The following PPP2R2B variants were observed in gnomAD, a reference collection of about 807,000 sequenced individuals.
PPP2R2B encodes the protein serine/threonine-protein phosphatase 2A 55 kDa regulatory subunit B beta isoform.
A neutral mutation model predicts 46.0 loss-of-function variants in PPP2R2B; 5 were observed. The observed-to-expected ratio is 0.11, with a 90% CI of 0.06 to 0.23. The LOEUF (loss-of-function observed/expected upper bound fraction) is 0.23. PPP2R2B is among the 10% of genes least tolerant of loss of function. PPP2R2B has a pLI of 1.00. For synonymous variants in PPP2R2B, 215 were observed against 206.7 expected (o/e 1.04, Z -0.34); for missense variants, 367 against 575.0 (o/e 0.64, Z 3.70).
At chr5:147,037,445 G>C (rs560359992) in intron 1 of PPP2R2B, among the ~76,000 whole-genome samples, 1 of 151,528 alleles carries the variant, frequency 6.6e-6, no homozygotes, top group African/African-American at 2.4e-5. Flanking sequence ...TGTATATATA[G>C]GTATGTAATT....
intron 5 of PPP2R2B, among the ~76,000 whole-genome samples, chr5:146,658,468 T>C (rs1261169801): frequency 6.6e-6 from 1 of 152,116 alleles, no homozygotes; most frequent in Admixed American, 6.6e-5. Flanking sequence ...GAGCATTGGG[T>C]CCTCCTATAA....
intron 2 of PPP2R2B, among the ~76,000 whole-genome samples, chr5:146,817,676 T>A (rs1325879262): frequency 6.6e-6 from 1 of 152,194 alleles, no homozygotes; most frequent in Non-Finnish European, 1.5e-5. Context: ...TTTTCAAAAA[T>A]TTATGGAAAC....
intron 7 of PPP2R2B, among the ~76,000 whole-genome samples, chr5:146,606,344 G>A (rs1246138761): frequency 6.6e-6 from 1 of 152,164 alleles, no homozygotes; most frequent in Admixed American, 6.5e-5. Flanking sequence ...GATCCTGAAG[G>A]CCTGTTCACT....
chr5:146,594,949 G>A, intron 8 of PPP2R2B, among the ~76,000 whole-genome samples: 1 of 152,214 alleles, frequency 6.6e-6, no homozygotes, highest in Non-Finnish European at 1.5e-5. Context: ...CAACAGTTCT[G>A]CTGGATGCAG....
In PPP2R2B at chr5:146,586,051, T is replaced by G. The variant is rs998999932; in HGVS notation, c.*3896A>C. On this transcript the variant is annotated 3_prime_UTR_variant, in exon 10 of 10. Coordinates refer to ENST00000394411, the MANE Select transcript of PPP2R2B (RefSeq NM_181675.4). ...CAGGGGGAAGAGGTGGATGAAGGCA[T>G]GTTGGATGCACAGTGAATCAGGTTG... 1.3e-5 allele frequency: 2 copies of G among 152,210 alleles called. No homozygotes were observed. The highest frequency in any genetic ancestry group is 2.9e-5 in the Non-Finnish European group (2 of 68,110). 9.4% of individuals were successfully genotyped at this position (152,210 alleles called of 1,614,324 possible).
Position 146,685,347 on chromosome 5 carries a change from A to T in PPP2R2B, c.447+5781T>A, listed in dbSNP as rs1408974097. Among the ~76,000 whole-genome samples, 3 of 152,354 alleles carry T rather than the reference A, an allele frequency of 2.0e-5. No homozygotes were observed. In the East Asian group the frequency reaches 5.8e-4, roughly 29 times the overall value. ...ATCTCTAAAATGGGCAGGATGCCTA[A>T]GTCACAGAATGATGATAAAGAAAGG... On this transcript the variant is annotated intron_variant, in intron 5 of 9. Coordinates refer to ENST00000394411, the MANE Select transcript of PPP2R2B (RefSeq NM_181675.4).
At chr5:146,747,061 T>C (rs1026292810) in intron 2 of PPP2R2B, among the ~76,000 whole-genome samples, 2 of 152,132 alleles carry the variant, frequency 1.3e-5, no homozygotes, top group African/African-American at 4.8e-5. Context: ...CCTACAACAG[T>C]GCTTGTCACC....
chr5:147,080,724 G>A (rs1180195334), intron 2 of PPP2R2B, among the ~76,000 whole-genome samples: 1 of 152,118 alleles, frequency 6.6e-6, no homozygotes, highest in Non-Finnish European at 1.5e-5. Flanking sequence ...GAAAGGGAGA[G>A]AATTATGGCT....
intron 1 of PPP2R2B, among the ~76,000 whole-genome samples, chr5:147,039,599 C>G (rs1302962335): frequency 6.6e-6 from 1 of 152,166 alleles, no homozygotes; most frequent in African/African-American, 2.4e-5. Flanking sequence ...GCTCAGAAAC[C>G]TACCACGGAG....
At chr5:146,816,139 C>T (rs1230458137) in intron 2 of PPP2R2B, among the ~76,000 whole-genome samples, 1 of 152,148 alleles carries the variant, frequency 6.6e-6, no homozygotes, top group African/African-American at 2.4e-5. Context: ...ATAGTGGGCT[C>T]ATGCCTGTAA....
intron 2 of PPP2R2B, among the ~76,000 whole-genome samples, chr5:146,861,325 G>A (rs1483419533): frequency 1.3e-5 from 2 of 151,988 alleles, no homozygotes; most frequent in Non-Finnish European, 1.5e-5. Context: ...CAAAGTGCTG[G>A]GATTACAGGT....
Position 146,769,448 on chromosome 5 carries a change from G to T in PPP2R2B, c.71-68306C>A, listed in dbSNP as rs113045853. 4.0e-3 allele frequency among the ~76,000 whole-genome samples: 605 copies of T among 152,152 alleles called. 5 individuals carry two copies. Among genetic ancestry groups the T allele is most frequent in the African/African-American group, 0.013 (557 of 41,492 alleles). On this transcript the variant is annotated intron_variant, in intron 2 of 9. Transcript: ENST00000394411. Reference sequence around the variant, plus strand: ...CCTGTTTATTTCCTACATGTTTATCGTAAACTATAATCGTTTCTTCTTATT... The same window carrying T: ...CCTGTTTATTTCCTACATGTTTATCTTAAACTATAATCGTTTCTTCTTATT...
At chr5:146,629,999 A>G (rs1774320464) in intron 7 of PPP2R2B, among the ~76,000 whole-genome samples, 1 of 152,142 alleles carries the variant, frequency 6.6e-6, no homozygotes, top group African/African-American at 2.4e-5. Context: ...TTTGTAGTAG[A>G]GATGGGGTTT....
chr5:146,797,980 T>C lies in PPP2R2B; in HGVS notation c.70+80022A>G, dbSNP rs1023430776. On this transcript the variant is annotated intron_variant, in intron 2 of 9. Transcript: ENST00000394411. ...CTTGTCTCAGGTACAGGCTGAGAAA[T>C]AGACAAACAAACCGTCAATCTCCTT... Among the ~76,000 whole-genome samples, 11 of 152,146 alleles carry C rather than the reference T, an allele frequency of 7.2e-5. 1 individual carries two copies. Among genetic ancestry groups the C allele is most frequent in the Admixed American group, 5.9e-4 (9 of 15,274 alleles).
At chr5:146,700,670 T>C (rs146262404) in intron 3 of PPP2R2B, among the ~76,000 whole-genome samples, 5 of 152,186 alleles carry the variant, frequency 3.3e-5, no homozygotes, top group Non-Finnish European at 7.3e-5. Context: ...TATGTTTTTT[T>C]CCTCCTGCAT....
chr5:146,806,659 A>T (rs1459296445), intron 2 of PPP2R2B, among the ~76,000 whole-genome samples: 3 of 152,158 alleles, frequency 2.0e-5, no homozygotes, highest in Admixed American at 2.0e-4. Flanking sequence ...AATGGAAGGT[A>T]CTCTGGGAGA....
intron 2 of PPP2R2B, among the ~76,000 whole-genome samples, chr5:146,852,360 C>T (rs1760398929): frequency 6.6e-6 from 1 of 152,122 alleles, no homozygotes; most frequent in South Asian, 2.1e-4. Context: ...TTTAACCTAA[C>T]AAATCATAGC....
At chr5:146,873,591 A>G (rs570138083) in intron 2 of PPP2R2B, among the ~76,000 whole-genome samples, 52 of 152,326 alleles carry the variant, frequency 3.4e-4, no homozygotes, top group African/African-American at 1.1e-3. Flanking sequence ...GTGATTATCC[A>G]TAGACCCACC....
chr5:146,878,800 TC>T (rs2151420974), upstream of PPP2R2B: 1 of 1,274,148 alleles, frequency 7.8e-7, no homozygotes, highest in Non-Finnish European at 1.0e-6. The surrounding 1 kb of genome is among the most constrained non-coding windows in gnomAD (Gnocchi z 4.5). Context: ...GCGAGGCTCC[TC>T]CCAACCGCGT....
Sources: allele counts gnomAD v4.1 joint callset (sites outside exome capture counted in the v4.1 genomes callset), GRCh38; gene constraint gnomAD v4.1.1; non-coding constraint Gnocchi (gnomAD v3.1); transcripts MANE v1.5; gene names NCBI Gene and HGNC (gene_info 2026-07-23, HGNC 2026-07-21).